Variants in NDUFS4 observed in about 807,000 individuals in gnomAD.
NDUFS4 encodes the protein NADH dehydrogenase [ubiquinone] iron-sulfur protein 4, mitochondrial.
In NDUFS4, 28 loss-of-function variants were observed where a neutral mutation model predicts 24.3. The observed-to-expected ratio is 1.15, with a 90% CI of 0.85 to 1.58. The LOEUF is 1.58. Among genes scored for constraint, NDUFS4 ranks in the 40% most tolerant of loss-of-function variants. The probability of loss-of-function intolerance (pLI) is 0.00; values close to 1 mark genes in which losing one functional copy is unlikely to be tolerated. For missense variants in NDUFS4, 223 were observed against 207.9 expected (o/e 1.07, Z -0.45); for synonymous variants, 93 against 69.7 (o/e 1.34, Z -1.67).
chr5:53,670,170 GGATACCGAGACCTA>G (rs1188123838), intron 4 of NDUFS4, among the ~76,000 whole-genome samples: 1 of 151,840 alleles, frequency 6.6e-6, no homozygotes, highest in East Asian at 1.9e-4. Flanking sequence ...CCCTCTGATA[GGATACCGAGACCTA>G]GAGAAGTTAA....
At chr5:53,649,807 G>A (rs922524955) in intron 3 of NDUFS4, among the ~76,000 whole-genome samples, 3 of 152,258 alleles carry the variant, frequency 2.0e-5, no homozygotes, top group East Asian at 3.9e-4. Flanking sequence ...TAGGGTATAA[G>A]CATTTCCTTT....
intron 2 of NDUFS4, among the ~76,000 whole-genome samples, chr5:53,630,460 A>G (rs1186817403): frequency 6.6e-6 from 1 of 152,104 alleles, no homozygotes; most frequent in African/African-American, 2.4e-5. Context: ...CCTGGATAAT[A>G]TCCTGAAGAG....
rs191916020 is a variant in NDUFS4, at chr5:53,571,840, T to A, written c.98+11080T>A. Among the ~76,000 whole-genome samples the A allele has an allele frequency of 6.5e-3, 993 of 152,354 alleles. 3 individuals carry two copies. The highest frequency in any genetic ancestry group is 0.011 in the Non-Finnish European group (751 of 68,036). On this transcript the variant is annotated intron_variant, in intron 1 of 4. Coordinates refer to ENST00000296684, the MANE Select transcript of NDUFS4 (RefSeq NM_002495.4). Reference sequence around the variant, plus strand: ...CAAATGATGTTGAACTTTGGTGAAGTATCTGTTTATGTCTTTTGCCCATTT... The same window carrying A: ...CAAATGATGTTGAACTTTGGTGAAGAATCTGTTTATGTCTTTTGCCCATTT...
At chr5:53,664,656 T>A (rs920302325) in intron 4 of NDUFS4, among the ~76,000 whole-genome samples, 4 of 152,234 alleles carry the variant, frequency 2.6e-5, no homozygotes, top group African/African-American at 9.6e-5. Context: ...GTCACGTAGT[T>A]CTTGTTCCGT....
At chr5:53,605,082 G>A (rs184062493) in intron 2 of NDUFS4, among the ~76,000 whole-genome samples, 3 of 152,114 alleles carry the variant, frequency 2.0e-5, no homozygotes, top group Non-Finnish European at 2.9e-5. Context: ...TTAGCTGGGC[G>A]TGGTGGCGGG....
chr5:53,614,074 A>T (rs1041451093), intron 2 of NDUFS4, among the ~76,000 whole-genome samples: 3 of 151,914 alleles, frequency 2.0e-5, no homozygotes, highest in African/African-American at 7.2e-5. Context: ...ACATGCTCTT[A>T]AATAGTTGAA....
chr5:53,602,035 G>A (rs1446798925), intron 1 of NDUFS4, among the ~76,000 whole-genome samples: 1 of 152,108 alleles, frequency 6.6e-6, no homozygotes, highest in East Asian at 1.9e-4. Context: ...TCCACTGGGC[G>A]TCTTAAAATG....
At chr5:53,561,057 C>T (rs1205601615) in intron 1 of NDUFS4, among the ~76,000 whole-genome samples, 3 of 152,146 alleles carry the variant, frequency 2.0e-5, no homozygotes, top group Non-Finnish European at 4.4e-5. Flanking sequence ...CAAGCTGAAC[C>T]TTAGCCCTCA....
intron 1 of NDUFS4, among the ~76,000 whole-genome samples, chr5:53,591,773 G>A (rs558370214): frequency 6.6e-6 from 1 of 152,200 alleles, no homozygotes; most frequent in South Asian, 2.1e-4. Context: ...ATTCTAATAG[G>A]TGTGTAGCAC....
intron 1 of NDUFS4, among the ~76,000 whole-genome samples, chr5:53,597,619 G>T (rs546440046): frequency 1.3e-5 from 2 of 152,134 alleles, no homozygotes; most frequent in Admixed American, 6.5e-5. Context: ...GTATTTTGAA[G>T]TGTTAAAAAC....
intron 3 of NDUFS4, 91 bp from the exon 4 acceptor site, chr5:53,658,460 G>T: frequency 1.2e-6 from 1 of 855,758 alleles, no homozygotes; most frequent in South Asian, 1.5e-5. Context: ...GTACTTATTT[G>T]ATTTTATAGT....
At chr5:53,603,080 C>T (rs577458251) in intron 1 of NDUFS4, among the ~76,000 whole-genome samples, 17 of 152,120 alleles carry the variant, frequency 1.1e-4, no homozygotes, top group Non-Finnish European at 2.2e-4. Flanking sequence ...TGATGCCATC[C>T]GTTTAAGAAT....
At chr5:53,613,206 G>T (rs972456406) in intron 2 of NDUFS4, among the ~76,000 whole-genome samples, 5 of 151,996 alleles carry the variant, frequency 3.3e-5, no homozygotes, top group African/African-American at 1.2e-4. Context: ...TGCGATTGGG[G>T]TTATACAGCT....
rs1175461439 is a variant in NDUFS4, at chr5:53,629,914, G to T, written c.178-16319G>T. Among the ~76,000 whole-genome samples, 5 of 152,136 alleles carry T rather than the reference G, an allele frequency of 3.3e-5. No individual in the cohort carries two copies. In the East Asian group the frequency reaches 9.6e-4, roughly 29 times the overall value. On this transcript the variant is annotated intron_variant, in intron 2 of 4. Coordinates refer to ENST00000296684, the MANE Select transcript of NDUFS4 (RefSeq NM_002495.4). Reference sequence around the variant, plus strand: ...TATTGTTATGTGTGAATTTGATCCTGTCATTATGATGCTAGCTGGTTATTT... The same window carrying T: ...TATTGTTATGTGTGAATTTGATCCTTTCATTATGATGCTAGCTGGTTATTT...
At chr5:53,645,014 G>A (rs528319586) in intron 2 of NDUFS4, among the ~76,000 whole-genome samples, 2 of 152,140 alleles carry the variant, frequency 1.3e-5, no homozygotes, top group South Asian at 2.1e-4. Context: ...TTGGTTCATA[G>A]CATTGATAGA....
intron 1 of NDUFS4, among the ~76,000 whole-genome samples, chr5:53,576,064 T>G (rs992604378): frequency 6.6e-6 from 1 of 152,218 alleles, no homozygotes; most frequent in Non-Finnish European, 1.5e-5. Flanking sequence ...ATAAATCTTC[T>G]TTGAGAGGGT....
chr5:53,663,438 G>A (rs1053849312), intron 4 of NDUFS4, among the ~76,000 whole-genome samples: 1 of 152,142 alleles, frequency 6.6e-6, no homozygotes. Context: ...GGGTGTTAAA[G>A]TCTCCCATTG....
At chr5:53,594,309 C>T (rs1257212182) in intron 1 of NDUFS4, among the ~76,000 whole-genome samples, 1 of 152,030 alleles carries the variant, frequency 6.6e-6, no homozygotes, top group African/African-American at 2.4e-5. Flanking sequence ...GATAATTTTT[C>T]TTGTTCTGGA....
At chr5:53,602,078 G>A (rs1750341116) in intron 1 of NDUFS4, among the ~76,000 whole-genome samples, 1 of 152,106 alleles carries the variant, frequency 6.6e-6, no homozygotes, top group Non-Finnish European at 1.5e-5. Context: ...GCTACTTACT[G>A]CATTTAGAAA....
Sources: allele counts gnomAD v4.1 joint callset (sites outside exome capture counted in the v4.1 genomes callset), GRCh38; gene constraint gnomAD v4.1.1; transcripts MANE v1.5; gene names NCBI Gene and HGNC (gene_info 2026-07-23, HGNC 2026-07-21).